Variants in PRKAR1B observed in about 807,000 individuals in gnomAD.
PRKAR1B encodes protein kinase cAMP-dependent type I regulatory subunit beta, also known as cAMP-dependent protein kinase type I-beta regulatory subunit.
PRKAR1B carries 22 observed loss-of-function variants against 46.5 expected under a neutral mutation model. That is an observed-to-expected ratio of 0.47 (90% CI 0.34 to 0.68). The LOEUF is 0.68. PRKAR1B is among the 30% of genes least tolerant of loss of function. PRKAR1B has a pLI of 0.01. For missense variants in PRKAR1B, 445 were observed against 535.6 expected (o/e 0.83, Z 1.67); for synonymous variants, 259 against 217.7 (o/e 1.19, Z -1.67).
At chr7:567,744 G>A (rs1779266919) in intron 9 of PRKAR1B, among the ~76,000 whole-genome samples, 2 of 152,218 alleles carry the variant, frequency 1.3e-5, no homozygotes, top group Non-Finnish European at 1.5e-5. Flanking sequence ...TGGCCCTTGA[G>A]GACACTATGC....
Position 634,860 on chromosome 7 carries a change from G to A in PRKAR1B, c.441-27408C>T, listed in dbSNP as rs1032672892. 4.6e-5 allele frequency among the ~76,000 whole-genome samples: 7 copies of A among 151,992 alleles called. No individual in the cohort carries two copies. The South Asian group carries it at 6.3e-4, about 14-fold the overall frequency. On this transcript the variant is annotated intron_variant, in intron 4 of 10. Transcript: ENST00000537384. ...TCACCACGTTGGCCAGGCTGGTTTC[G>A]AACTCCTGACCTCAAGCGATCCGCC... is the stretch of plus-strand genomic sequence containing the variant.
At chr7:715,934 C>A (rs1240824027) in intron 1 of PRKAR1B, among the ~76,000 whole-genome samples, 1 of 152,184 alleles carries the variant, frequency 6.6e-6, no homozygotes, top group Non-Finnish European at 1.5e-5. Flanking sequence ...CCAGGATGGT[C>A]TCGGTCTCCT....
At chr7:711,225 A>T in intron 2 of PRKAR1B, 104 bp downstream of exon 2, 1 of 1,467,446 alleles carries the variant, frequency 6.8e-7, no homozygotes, top group Non-Finnish European at 9.3e-7. Flanking sequence ...TCTCTGGGGC[A>T]CCCAGCCTTC....
intron 7 of PRKAR1B, among the ~76,000 whole-genome samples, chr7:587,466 G>A (rs149733582): frequency 0.02 from 3,068 of 152,354 alleles, 39 homozygotes; most frequent in Middle Eastern, 0.054. Context: ...GTGGTGAAGT[G>A]GGGGTCTGCC....
intron 7 of PRKAR1B, among the ~76,000 whole-genome samples, chr7:588,449 G>A (rs113705655): frequency 6.8e-6 from 1 of 147,998 alleles, no homozygotes; most frequent in African/African-American, 2.5e-5. Flanking sequence ...CAGTGGTGAT[G>A]GTGATGGTGA....
intron 1 of PRKAR1B, among the ~76,000 whole-genome samples, chr7:718,902 C>T (rs903461609): frequency 4.4e-5 from 5 of 114,682 alleles, no homozygotes; most frequent in Admixed American, 2.5e-4. Context: ...GATAAGGTCT[C>T]GCTCTGTCAT....
chr7:616,193 G>A (rs1349793862), intron 4 of PRKAR1B, among the ~76,000 whole-genome samples: 9 of 152,180 alleles, frequency 5.9e-5, no homozygotes, highest in Non-Finnish European at 1.0e-4. Context: ...GTGGGTCCTC[G>A]CCCCAGGTCC....
In PRKAR1B at chr7:550,651, T is replaced by G. The variant is rs756961999; in HGVS notation, c.974-49A>C. On this transcript the variant is annotated intron_variant, in intron 10 of 10. Transcript: ENST00000537384. The stretch of plus-strand genomic sequence containing the variant: ...GGGCTGGGCCTGGGGGTCCTGAGGC[T>G]GCAGCAGGGAAAGATTATGTCCAGG... The G allele has an allele frequency of 8.3e-6, 12 of 1,453,034 alleles. No individual in the cohort carries two copies. The East Asian group carries it at 1.2e-4, about 14-fold the overall frequency. 90.0% of individuals were successfully genotyped at this position (1,453,034 alleles called of 1,614,324 possible).
intron 4 of PRKAR1B, among the ~76,000 whole-genome samples, chr7:616,523 G>A (rs981287568): frequency 6.6e-6 from 1 of 152,254 alleles, no homozygotes. Context: ...GCTCATCCAA[G>A]CTAGGCAGGC....
intron 1 of PRKAR1B, among the ~76,000 whole-genome samples, chr7:719,996 C>T (rs1781015461): frequency 6.7e-6 from 1 of 150,304 alleles, no homozygotes; most frequent in African/African-American, 2.5e-5. Context: ...CTGCTATCTG[C>T]TGTTGATGGT....
intron 7 of PRKAR1B, among the ~76,000 whole-genome samples, chr7:595,281 G>A (rs1781207789): frequency 6.6e-6 from 1 of 152,280 alleles, no homozygotes; most frequent in Admixed American, 6.5e-5. Context: ...TCTGCTCAAT[G>A]CCACCTTATC....
rs539427383 is a variant in PRKAR1B, at chr7:580,659, C to G, written c.770-1282G>C. 2.6e-5 allele frequency among the ~76,000 whole-genome samples: 4 copies of G among 151,762 alleles called. 1 individual carries two copies. In the South Asian group the frequency reaches 8.3e-4, roughly 32 times the overall value. ...CTTCCCTTCCCTGTCTTTATTCATC[C>G]CTAACCCTTGGAAGGAAAAAAAATT... On this transcript the variant is annotated intron_variant, in intron 8 of 10. Coordinates refer to ENST00000537384, the MANE Select transcript of PRKAR1B (RefSeq NM_001164760.2).
chr7:694,901 T>C lies in PRKAR1B; in HGVS notation c.178-14175A>G, dbSNP rs1779642948. 2.6e-5 allele frequency among the ~76,000 whole-genome samples: 4 copies of C among 151,724 alleles called. No homozygotes were observed. In the East Asian group the frequency reaches 7.7e-4, roughly 29 times the overall value. On this transcript the variant is annotated intron_variant, in intron 2 of 10. Transcript: ENST00000537384. ...AAATACAAAAATTAGCCAGGCGTGG[T>C]GGTGGGCACCTGTCATCCCAGCTAC...
At chr7:552,725 C>A (rs888818585) in intron 9 of PRKAR1B, among the ~76,000 whole-genome samples, 1 of 152,222 alleles carries the variant, frequency 6.6e-6, no homozygotes, top group African/African-American at 2.4e-5. Context: ...GGAGGGGACG[C>A]GCTGGGACCT....
intron 4 of PRKAR1B, among the ~76,000 whole-genome samples, chr7:658,652 G>A (rs997380759): frequency 6.6e-6 from 1 of 151,758 alleles, no homozygotes; most frequent in Non-Finnish European, 1.5e-5. Context: ...AATGTTTTTT[G>A]TTTTTTGGGT....
At chr7:634,828 C>T (rs566474203) in intron 4 of PRKAR1B, among the ~76,000 whole-genome samples, 112 of 151,858 alleles carry the variant, frequency 7.4e-4, no homozygotes, top group African/African-American at 2.6e-3. Flanking sequence ...TTAGTAGAGT[C>T]GGGGTTTCAC....
intron 2 of PRKAR1B, among the ~76,000 whole-genome samples, chr7:691,011 A>G (rs1340887546): frequency 6.1e-5 from 9 of 146,824 alleles, no homozygotes; most frequent in Non-Finnish European, 1.3e-4. Context: ...TCCCGCGCCC[A>G]CCCACACTGG....
intron 4 of PRKAR1B, among the ~76,000 whole-genome samples, chr7:636,462 T>C (rs1165517019): frequency 2.7e-5 from 4 of 149,880 alleles, no homozygotes; most frequent in South Asian, 2.1e-4. Context: ...TCCACCGGAC[T>C]GTGCCCACTG....
chr7:551,238 G>T, intron 10 of PRKAR1B, 151 bp downstream of exon 10: 1 of 746,266 alleles, frequency 1.3e-6, no homozygotes, highest in Non-Finnish European at 2.2e-6. Context: ...ACAGGACTGA[G>T]CCTTCTGTTG....
Sources: gnomAD v4.1 joint callset for allele counts (sites outside exome capture counted in the v4.1 genomes callset) on GRCh38, gnomAD v4.1.1 for gene constraint, MANE v1.5 for transcripts, NCBI Gene and HGNC (gene_info 2026-07-23, HGNC 2026-07-21) for gene names.